Variants in TRMT11 observed in about 807,000 individuals in gnomAD.
TRMT11 encodes tRNA methyltransferase 11.
TRMT11 carries 53 observed loss-of-function variants against 62.8 expected under a neutral mutation model. The ratio of observed to expected loss-of-function variants is 0.84; its 90% confidence interval spans 0.68 to 1.06. The LOEUF is 1.06. Among genes scored for constraint, TRMT11 ranks in the 50% least tolerant of loss-of-function variants. The pLI, the probability that TRMT11 is intolerant of heterozygous loss-of-function variation, is 0.00. For synonymous variants in TRMT11, 188 were observed against 190.3 expected (o/e 0.99, Z 0.10); for missense variants, 556 against 553.4 (o/e 1.00, Z -0.05).
chr6:126,132,705 C>T (rs1165741622), intron 21 of TRMT11, among the ~76,000 whole-genome samples: 4 of 151,928 alleles, frequency 2.6e-5, no homozygotes, highest in South Asian at 2.1e-4. Context: ...AATGACACCA[C>T]GACTGTTTTT....
At chr6:126,214,025 G>C in the TRMT11 span, among the ~76,000 whole-genome samples, 3 of 151,896 alleles carry the variant, frequency 2.0e-5, no homozygotes, top group Non-Finnish European at 4.4e-5. Context: ...TCATTCTGTT[G>C]ATATGATGAG....
At chr6:126,232,766 A>G in the TRMT11 span, among the ~76,000 whole-genome samples, 1,664 of 152,290 alleles carry the variant, frequency 0.011, 28 homozygotes, top group African/African-American at 0.036. Flanking sequence ...AAAAAAGACA[A>G]TGTATAAACT....
In TRMT11 at chr6:126,066,123, G is replaced by A. The variant is rs192846029; in HGVS notation, c.*1437+12933G>A. On this transcript the variant is annotated intron_variant and NMD_transcript_variant, in intron 17 of 22. Transcript: ENST00000648977. Reference sequence around the variant, plus strand: ...TCAAGGCTGGATTGTGAAAGTAGGGGAGCAAGGAAACCCTCTAGAAGAAAC... The same window carrying A: ...TCAAGGCTGGATTGTGAAAGTAGGGAAGCAAGGAAACCCTCTAGAAGAAAC... Among the ~76,000 whole-genome samples the A allele has an allele frequency of 5.3e-5, 8 of 152,316 alleles. No homozygotes were observed. The East Asian group carries it at 1.5e-3, about 29-fold the overall frequency.
chr6:126,241,979 A>C, the TRMT11 span, among the ~76,000 whole-genome samples: 1 of 152,216 alleles, frequency 6.6e-6, no homozygotes, highest in Non-Finnish European at 1.5e-5. Context: ...CATTAGGAAA[A>C]GAGGAAGTCA....
At chr6:126,250,598 G>T in the TRMT11 span, among the ~76,000 whole-genome samples, 28 of 152,016 alleles carry the variant, frequency 1.8e-4, no homozygotes, top group Admixed American at 8.5e-4. Flanking sequence ...ACATTTTCTT[G>T]GAGGCTTATT....
chr6:126,177,703 C>G (rs1778403138), intron 1 of TRMT11, among the ~76,000 whole-genome samples: 1 of 152,024 alleles, frequency 6.6e-6, no homozygotes, highest in Non-Finnish European at 1.5e-5. Context: ...TACATAAATA[C>G]TATACACAGC....
intron 16 of TRMT11, among the ~76,000 whole-genome samples, chr6:126,052,819 G>A (rs185347088): frequency 4.1e-4 from 63 of 152,272 alleles, no homozygotes; most frequent in Middle Eastern, 3.4e-3. Flanking sequence ...TAGTTTTGGA[G>A]AAACAGATCA....
intron 1 of TRMT11, among the ~76,000 whole-genome samples, chr6:126,188,080 A>T (rs1001817666): frequency 1.3e-5 from 2 of 151,900 alleles, no homozygotes; most frequent in Non-Finnish European, 2.9e-5. Flanking sequence ...GGGGATACAA[A>T]AGCACGAATT....
intron 9 of TRMT11, among the ~76,000 whole-genome samples, chr6:126,011,931 C>T (rs533292240): frequency 6.6e-6 from 1 of 152,240 alleles, no homozygotes; most frequent in Non-Finnish European, 1.5e-5. Flanking sequence ...GGCCTGTGAA[C>T]CTACTGAGCT....
chr6:126,123,127 A>C (rs568633728), intron 21 of TRMT11, among the ~76,000 whole-genome samples: 3 of 152,252 alleles, frequency 2.0e-5, no homozygotes, highest in African/African-American at 7.2e-5. Flanking sequence ...TTTAAGGATA[A>C]AATGAGCTAA....
intron 12 of TRMT11, among the ~76,000 whole-genome samples, chr6:126,027,905 T>C (rs975009125): frequency 6.6e-6 from 1 of 152,090 alleles, no homozygotes; most frequent in Non-Finnish European, 1.5e-5. Context: ...AAGGAGATAA[T>C]AGACACTGAG....
At chr6:126,258,328 C>A in the TRMT11 span, 47 of 391,892 alleles carry the variant, frequency 1.2e-4, no homozygotes, top group Middle Eastern at 8.6e-4. Context: ...GGGCCAGGGC[C>A]GCCGTCTGCC....
At chr6:126,154,752 C>G (rs1391139361) in intron 21 of TRMT11, among the ~76,000 whole-genome samples, 5 of 152,178 alleles carry the variant, frequency 3.3e-5, no homozygotes, top group African/African-American at 1.2e-4. Flanking sequence ...AGGGACATGA[C>G]TTTGATTTTT....
chr6:126,092,677 G>A (rs933700537), intron 17 of TRMT11, among the ~76,000 whole-genome samples: 3 of 152,074 alleles, frequency 2.0e-5, no homozygotes, highest in East Asian at 1.9e-4. Flanking sequence ...TTGGTGATTG[G>A]TCTGTTTCTT....
intron 21 of TRMT11, among the ~76,000 whole-genome samples, chr6:126,131,361 G>A (rs370574917): frequency 3.2e-4 from 49 of 152,134 alleles, no homozygotes; most frequent in Admixed American, 7.2e-4. Flanking sequence ...GTATTGGCAG[G>A]GTGGTGCATT....
intron 1 of TRMT11, among the ~76,000 whole-genome samples, chr6:126,190,391 C>T (rs1778583685): frequency 6.6e-6 from 1 of 152,050 alleles, no homozygotes; most frequent in Admixed American, 6.6e-5. Flanking sequence ...AAGAGGGGCA[C>T]TTCATTGTTC....
chr6:126,165,293 A>T (rs933669236), intron 21 of TRMT11, among the ~76,000 whole-genome samples: 1 of 151,250 alleles, frequency 6.6e-6, no homozygotes, highest in Non-Finnish European at 1.5e-5. Context: ...AAAAAAAAAA[A>T]TTGCTATGTG....
the TRMT11 span, among the ~76,000 whole-genome samples, chr6:126,264,318 T>G: frequency 2.0e-5 from 3 of 152,216 alleles, no homozygotes; most frequent in Admixed American, 2.0e-4. Context: ...CAATTATACT[T>G]GAGGAATCAT....
At chr6:126,219,435 A>G in the TRMT11 span, among the ~76,000 whole-genome samples, 1 of 152,164 alleles carries the variant, frequency 6.6e-6, no homozygotes. Flanking sequence ...GCACCTTGCC[A>G]CTTTACCAAA....
Sources: gnomAD v4.1 joint callset for allele counts (sites outside exome capture counted in the v4.1 genomes callset) on GRCh38, gnomAD v4.1.1 for gene constraint, MANE v1.5 for transcripts, NCBI Gene and HGNC (gene_info 2026-07-23, HGNC 2026-07-21) for gene names.